Variants in CHD9 observed in about 807,000 individuals in gnomAD.
CHD9 encodes the protein ATP-dependent chromatin remodeler CHD9.
Under a neutral mutation model 316.1 loss-of-function variants are expected in CHD9, and 77 were observed. The observed-to-expected ratio is 0.24, with a 90% CI of 0.20 to 0.29. The LOEUF (loss-of-function observed/expected upper bound fraction) is 0.29, where lower values mean the gene tolerates loss of function less well. Among genes scored for constraint, CHD9 ranks in the 10% least tolerant of loss-of-function variants. The probability of loss-of-function intolerance (pLI) is 1.00; values close to 1 mark genes in which losing one functional copy is unlikely to be tolerated. For missense variants in CHD9, 2,763 were observed against 3,438.1 expected (o/e 0.80, Z 4.91); for synonymous variants, 1,129 against 1,158.3 (o/e 0.97, Z 0.51).
At position 53,209,613 on chromosome 16, in the gene CHD9, TATA is replaced by T. The variant is rs1206042654; in HGVS notation, c.1588_1590del (p.Ile530del). On this transcript the variant is annotated inframe_deletion, in exon 3 of 39. Transcript: ENST00000447540. ...AAAGCAAGCAAGAAAAGGCTAATCG[TATA>T]ATATCAGAGGCCATAGCAAAAGCAA... 6.2e-7 allele frequency: 1 copy of T among 1,613,728 alleles called. No homozygotes were observed. The highest frequency in any genetic ancestry group is 1.1e-5 in the South Asian group (1 of 91,074).
chr16:53,112,467 GT>G (rs2037939379), intron 1 of CHD9, among the ~76,000 whole-genome samples: 1 of 152,200 alleles, frequency 6.6e-6, no homozygotes, highest in African/African-American at 2.4e-5. Context: ...TGATCTACCT[GT>G]TGTTCTAAGT....
chr16:53,199,632 G>T (rs1408703861), intron 2 of CHD9, among the ~76,000 whole-genome samples: 2 of 152,054 alleles, frequency 1.3e-5, no homozygotes, highest in Admixed American at 6.5e-5. Context: ...AGAGTCTCCA[G>T]TGTCTGTTCT....
chr16:53,124,308 G>T (rs2038874082), intron 1 of CHD9, among the ~76,000 whole-genome samples: 1 of 152,026 alleles, frequency 6.6e-6, no homozygotes, highest in Non-Finnish European at 1.5e-5. Flanking sequence ...AGAAAAAGAA[G>T]TCTAATAGAC....
chr16:53,324,185 G>A lies in CHD9; in HGVS notation c.7984G>A (p.Gly2662Arg), dbSNP rs755798106. Residue 2662 changes from glycine (G) to arginine (R), a missense_variant, in exon 39 of 39, where the codon GGA (glycine) becomes AGA (arginine). Transcript: ENST00000447540. ...SVSGNPLLAN[G>R]LLPGVDLTTL... ...TTCAGGCAATCCTTTGTTAGCCAATGGACTACTTCCAGGTGTGGATCTCAC... is the reference window on the plus strand; with the variant it reads ...TTCAGGCAATCCTTTGTTAGCCAATAGACTACTTCCAGGTGTGGATCTCAC... 1.1e-5 allele frequency: 18 copies of A among 1,614,016 alleles called. 1 individual carries two copies. The South Asian group carries it at 1.9e-4, about 17-fold the overall frequency.
chr16:53,246,098 ATCC>A (rs1319572119), intron 15 of CHD9, among the ~76,000 whole-genome samples: 2 of 152,094 alleles, frequency 1.3e-5, no homozygotes, highest in East Asian at 3.9e-4. Context: ...CTCTTGTTTA[ATCC>A]TCCTCATAGG....
At chr16:53,195,921 C>G (rs1005297972) in intron 2 of CHD9, among the ~76,000 whole-genome samples, 1 of 151,968 alleles carries the variant, frequency 6.6e-6, no homozygotes, top group Admixed American at 6.6e-5. Flanking sequence ...CCATGCCTGG[C>G]TAATTTTTGT....
chr16:53,181,971 C>T (rs1327687754), intron 2 of CHD9, among the ~76,000 whole-genome samples: 3 of 152,022 alleles, frequency 2.0e-5, no homozygotes, highest in South Asian at 2.1e-4. Flanking sequence ...TCCCAGCTAT[C>T]GGGAGGCTGA....
At chr16:53,117,581 A>AT (rs1262952128) in intron 1 of CHD9, among the ~76,000 whole-genome samples, 1 of 150,442 alleles carries the variant, frequency 6.6e-6, no homozygotes, top group Non-Finnish European at 1.5e-5. Flanking sequence ...TACCCAGCTA[A>AT]TTTTTTGTAT....
intron 1 of CHD9, among the ~76,000 whole-genome samples, chr16:53,058,020 G>A (rs1483962888): frequency 1.3e-5 from 2 of 152,226 alleles, no homozygotes; most frequent in East Asian, 3.9e-4. Flanking sequence ...TGTTAGGTAA[G>A]CTTCGTTCAG....
intron 2 of CHD9, among the ~76,000 whole-genome samples, chr16:53,192,248 G>C (rs1372827524): frequency 6.6e-6 from 1 of 152,172 alleles, no homozygotes; most frequent in African/African-American, 2.4e-5. Flanking sequence ...GTGGGACTAA[G>C]CCACATACAA....
At chr16:53,294,898 G>A (rs1364088969) in intron 29 of CHD9, among the ~76,000 whole-genome samples, 1 of 152,090 alleles carries the variant, frequency 6.6e-6, no homozygotes, top group Non-Finnish European at 1.5e-5. Context: ...TTTAGTATAG[G>A]TAAAAAGTGT....
Position 53,143,370 on chromosome 16 carries a change from ATTTATT to A in CHD9, c.-164-12554_-164-12549del, listed in dbSNP as rs1444190116. 3.3e-3 allele frequency among the ~76,000 whole-genome samples: 270 copies of A among 81,822 alleles called. 1 individual carries two copies. Among genetic ancestry groups the A allele is most frequent in the African/African-American group, 9.5e-3 (260 of 27,342 alleles). The allele number at this position is 81,822 out of a possible 152,430, so 53.7% of individuals were successfully genotyped here. A position where few individuals can be genotyped will look rare whatever the true frequency, so the allele number is the denominator to read the frequency against. On this transcript the variant is annotated intron_variant, in intron 1 of 38. Transcript: ENST00000447540. The stretch of plus-strand genomic sequence containing the variant: ...TTATTTTATCTTATTTTATTTATTT[ATTTATT>A]TATTTATTTATTTATTTATTTATTT...
intron 1 of CHD9, chr16:53,131,137 G>A (rs928356376): frequency 1.3e-5 from 2 of 151,436 alleles, no homozygotes; most frequent in South Asian, 1.8e-4. Context: ...CGGGGCAGCG[G>A]CCGCTGCTCA....
chr16:53,299,493 G>A, intron 30 of CHD9: 1 of 280,360 alleles, frequency 3.6e-6, no homozygotes, highest in South Asian at 4.4e-5. Flanking sequence ...GCGCTCTGCA[G>A]CAGCCATCTT....
rs776748191 is a variant in CHD9, at chr16:53,297,140, C to T, written c.5695C>T (p.Arg1899Cys). The stretch of plus-strand genomic sequence containing the variant: ...CATGTCCATGTGTCGGAGGGTTTGT[C>T]GTCTTCCTTCCAAAGAAGGTATGTA... ...AFMSMCRRVCRLPSKEELVDP... is the reference protein window; with the variant it reads ...AFMSMCRRVCCLPSKEELVDP... The change falls in exon 30 of 39, where the codon CGT (arginine) becomes TGT (cysteine). Residue 1899 changes from arginine to cysteine, a missense_variant. Transcript: ENST00000447540. The T allele has an allele frequency of 7.4e-6, 12 of 1,613,026 alleles. No homozygotes were observed. Among genetic ancestry groups the T allele is most frequent in the East Asian group, 2.2e-5 (1 of 44,840 alleles).
At chr16:53,058,058 T>A (rs1349390391) in intron 1 of CHD9, among the ~76,000 whole-genome samples, 2 of 151,536 alleles carry the variant, frequency 1.3e-5, no homozygotes, top group African/African-American at 2.4e-5. Flanking sequence ...GTTGGCTGAG[T>A]TCAGTGTTAA....
chr16:53,202,070 C>T (rs1396978074), intron 2 of CHD9, among the ~76,000 whole-genome samples: 5 of 152,028 alleles, frequency 3.3e-5, no homozygotes, highest in African/African-American at 1.2e-4. Flanking sequence ...CTATGTTGCC[C>T]AGGCTGGCCT....
chr16:53,295,218 CG>C (rs1162891326), intron 29 of CHD9, among the ~76,000 whole-genome samples: 3 of 152,172 alleles, frequency 2.0e-5, no homozygotes, highest in Non-Finnish European at 2.9e-5. Flanking sequence ...CCTCTGCCTC[CG>C]GGGTTCAAGC....
At chr16:53,137,811 A>G (rs2039832258) in intron 1 of CHD9, among the ~76,000 whole-genome samples, 2 of 152,220 alleles carry the variant, frequency 1.3e-5, no homozygotes, top group African/African-American at 4.8e-5. Flanking sequence ...GATAAATGGC[A>G]AGACACACAG....
Sources: allele counts gnomAD v4.1 joint callset (sites outside exome capture counted in the v4.1 genomes callset), GRCh38; gene constraint gnomAD v4.1.1; transcripts MANE v1.5; gene names NCBI Gene and HGNC (gene_info 2026-07-23, HGNC 2026-07-21).